The following HID1 variants were observed in gnomAD, a reference collection of about 807,000 sequenced individuals.
HID1 encodes protein HID1.
Under a neutral mutation model 89.7 loss-of-function variants are expected in HID1, and 42 were observed. The ratio of observed to expected loss-of-function variants is 0.47; its 90% CI spans 0.37 to 0.61. The LOEUF (loss-of-function observed/expected upper bound fraction) is 0.61, where lower values mean the gene tolerates loss of function less well. HID1 is among the 20% of genes least tolerant of loss of function. The pLI is 0.00. For missense variants in HID1, 854 were observed against 1,039.3 expected, an observed-to-expected ratio of 0.82 and a Z score of 2.45; for synonymous variants, 442 against 433.8, an observed-to-expected ratio of 1.02 and a Z score of -0.24.
Position 74,964,627 on chromosome 17 carries a change from C to T in HID1, c.72G>A (p.Val24=). 6.2e-7 allele frequency: 1 copy of T among 1,611,578 alleles called. No homozygotes were observed. The highest frequency in any genetic ancestry group is 8.5e-7 in the Non-Finnish European group (1 of 1,179,202). The change falls in exon 2 of 19, where the codon GTG becomes GTA. Residue 24 remains valine, a synonymous_variant. Transcript: ENST00000425042. The stretch of plus-strand genomic sequence containing the variant: ...CCCAAAAGGCATCATCGGTGGCTTC[C>T]ACGGGCTGTGGGGGGACCAAGGGTC... ...VIQLTTKTQP[V]EATDDAFWDQ...
chr17:74,959,739 A>G lies in HID1; in HGVS notation c.1008+142T>C. The G allele has an allele frequency of 1.1e-6, 1 of 875,860 alleles. No homozygotes were observed. Among genetic ancestry groups the G allele is most frequent in the Non-Finnish European group, 1.8e-6 (1 of 544,964 alleles). The allele number at this position is 875,860 out of a possible 1,614,324, so 54.3% of individuals were successfully genotyped here. On this transcript the variant is annotated intron_variant, in intron 8 of 18. Transcript: ENST00000425042. The surrounding 1 kb of genome is among the most constrained non-coding windows in gnomAD (Gnocchi z 4.6). ...GCCCTTCCTGCATCTTGAAACCCTC[A>G]CAGTCCTGCCACTATTTCACCTAGG...
At chr17:74,963,543 A>G (rs1001941267) in intron 3 of HID1, 197 bp downstream of exon 3, 4 of 603,582 alleles carry the variant, frequency 6.6e-6, no homozygotes, top group Non-Finnish European at 8.7e-6. Flanking sequence ...GACTGTGGGC[A>G]CAGAAACCCC....
chr17:74,954,498 G>T, intron 13 of HID1, 133 bp from the exon 14 acceptor site: 1 of 1,486,822 alleles, frequency 6.7e-7, no homozygotes, highest in Non-Finnish European at 9.0e-7. Context: ...GATGGTACAG[G>T]GAGCCCAAGA....
At chr17:74,956,483 C>G (rs1266600775) in intron 12 of HID1, among the ~76,000 whole-genome samples, 1 of 152,182 alleles carries the variant, frequency 6.6e-6, no homozygotes, top group African/African-American at 2.4e-5. Context: ...TGTCTTGTGT[C>G]ATTTTCCCTC....
At position 74,952,066 on chromosome 17, in the gene HID1, G is replaced by A; in HGVS notation, c.2145-3C>T. The A allele has an allele frequency of 1.9e-6, 3 of 1,555,756 alleles. No homozygotes were observed. ...TCTCAGACTCATCCGTCAGGCCCCT[G>A]CGGGGAGAGGGGTATCTCCAGCACA... On this transcript the variant is annotated splice_polypyrimidine_tract_variant and splice_region_variant and intron_variant, in intron 17 of 18. Coordinates refer to ENST00000425042, the MANE Select transcript of HID1 (RefSeq NM_030630.3).
chr17:74,959,776 CCA>C lies in HID1; in HGVS notation c.1008+103_1008+104del. On this transcript the variant is annotated intron_variant, in intron 8 of 18. Coordinates refer to ENST00000425042, the MANE Select transcript of HID1 (RefSeq NM_030630.3). The surrounding 1 kb of genome is among the most constrained non-coding windows in gnomAD (Gnocchi z 4.6). ...CTATTTCACCTAGGGTGGCCCCAGCCCACAGAGAGCATGGTTCCTTCATGGAG... is the reference window on the plus strand; with the variant it reads ...CTATTTCACCTAGGGTGGCCCCAGCCCAGAGAGCATGGTTCCTTCATGGAG... The C allele has an allele frequency of 8.0e-7, 1 of 1,253,166 alleles. No individual in the cohort carries two copies. Among genetic ancestry groups the C allele is most frequent in the Non-Finnish European group, 1.2e-6 (1 of 867,406 alleles). The allele number at this position is 1,253,166 out of a possible 1,614,324, so 77.6% of individuals were successfully genotyped here.
chr17:74,959,094 C>G lies in HID1; in HGVS notation c.1009-43G>C. ...GCAGGGGGCCTGTCCAGCCCAATCC[C>G]TGCAGCTCCAGTTTCCCAGCCCAGG... is the stretch of plus-strand genomic sequence containing the variant. On this transcript the variant is annotated intron_variant, in intron 8 of 18. Transcript: ENST00000425042. The surrounding 1 kb of genome is among the most constrained non-coding windows in gnomAD (Gnocchi z 4.6). 1 of 1,495,540 alleles carries G rather than the reference C, an allele frequency of 6.7e-7. No individual in the cohort carries two copies. Among genetic ancestry groups the G allele is most frequent in the Non-Finnish European group, 8.9e-7 (1 of 1,126,976 alleles). The allele number at this position is 1,495,540 out of a possible 1,614,324, so 92.6% of individuals were successfully genotyped here. A position where few individuals can be genotyped will look rare whatever the true frequency, so the allele number is the denominator to read the frequency against.
At chr17:74,955,742 G>T in intron 13 of HID1, 50 bp downstream of exon 13, 1 of 1,576,882 alleles carries the variant, frequency 6.3e-7, no homozygotes, top group Non-Finnish European at 8.7e-7. Context: ...TATGTAGGAA[G>T]TAGGCCCGCT....
In HID1 at chr17:74,963,744, C is replaced by T. The variant is rs774346194; in HGVS notation, c.383G>A (p.Gly128Glu). 6.2e-6 allele frequency: 10 copies of T among 1,605,528 alleles called. 1 individual carries two copies. The Admixed American group carries it at 1.4e-4, about 22-fold the overall frequency. Residue 128 changes from glycine (G) to glutamate (E), a missense_variant, in exon 3 of 19, where the codon GGA becomes GAA. Transcript: ENST00000425042. ...FWSTVPGAGR[G>E]GQGEEDDEHA... ...GCCCTGGCCAGGCCCACAGACCCCT[C>T]CTCGCCCTGCCCCGGGCACTGTGGA...
chr17:74,970,289 G>C (rs978868909), intron 1 of HID1, among the ~76,000 whole-genome samples: 1 of 152,182 alleles, frequency 6.6e-6, no homozygotes, highest in Non-Finnish European at 1.5e-5. Flanking sequence ...ACCTGGGGGA[G>C]CAGTTGTATC....
intron 2 of HID1, chr17:74,964,180 T>C: frequency 1.7e-6 from 1 of 590,446 alleles, no homozygotes; most frequent in South Asian, 2.1e-5. Context: ...GCTAAGTGAG[T>C]CTCCCAGCCT....
intron 13 of HID1, chr17:74,954,723 C>A (rs9891650): frequency 0.012 from 3,590 of 303,244 alleles, 37 homozygotes; most frequent in Middle Eastern, 0.019. Flanking sequence ...TCTCTTCCCA[C>A]CTCCCCTCGA....
intron 6 of HID1, among the ~76,000 whole-genome samples, chr17:74,960,516 G>A (rs1598625429): frequency 6.6e-6 from 1 of 152,220 alleles, no homozygotes. Context: ...TTCCCCTCAG[G>A]GAGCAGAGCC....
chr17:74,966,073 T>G (rs942945953), intron 1 of HID1, among the ~76,000 whole-genome samples: 8 of 151,636 alleles, frequency 5.3e-5, no homozygotes, highest in African/African-American at 1.9e-4. Context: ...GATCACAAGG[T>G]CAGGAGTTCA....
intron 12 of HID1, chr17:74,957,931 T>C (rs1291798758): frequency 1.7e-6 from 1 of 581,930 alleles, no homozygotes; most frequent in African/African-American, 1.9e-5. Flanking sequence ...GTAATTTTCA[T>C]ATTGGCTACA....
rs1447055100 is a variant in HID1, at chr17:74,964,481, A to G, written c.216+2T>C. On this transcript the variant is annotated splice_donor_variant, in intron 2 of 18. Coordinates refer to ENST00000425042, the MANE Select transcript of HID1 (RefSeq NM_030630.3). LOFTEE classifies it high-confidence loss of function. ...TAGCAGGAGGGACTGGGCAGCCCTC[A>G]CCTTGTAGCACAGGGTGGCCAAGTT... The G allele has an allele frequency of 7.5e-6, 12 of 1,608,668 alleles. No individual in the cohort carries two copies. The highest frequency in any genetic ancestry group is 8.5e-6 in the Non-Finnish European group (10 of 1,177,864).
At chr17:74,951,763 C>T in intron 18 of HID1, 130 bp from the exon 19 acceptor site, 1 of 1,346,696 alleles carries the variant, frequency 7.4e-7, no homozygotes, top group African/African-American at 1.5e-5. Context: ...CAGCGGGTGC[C>T]ACCGTCAACC....
Position 74,962,857 on chromosome 17 carries a change from G to GC in HID1, c.504+107dup. ...TGCCAGGCAGCTCAGCTCTCCTGGA[G>GC]CCCCCCGGCCCCCAGTGCAATCCGC... On this transcript the variant is annotated intron_variant, in intron 4 of 18. Transcript: ENST00000425042. The surrounding 1 kb of genome is among the most constrained non-coding windows in gnomAD (Gnocchi z 4.3). 2.6e-6 allele frequency: 2 copies of GC among 768,872 alleles called. No individual in the cohort carries two copies. The highest frequency in any genetic ancestry group is 2.6e-5 in the East Asian group (1 of 38,012). 47.6% of individuals were successfully genotyped at this position (768,872 alleles called of 1,614,324 possible). A position where few individuals can be genotyped will look rare whatever the true frequency, so the allele number is the denominator to read the frequency against.
At position 74,962,184 on chromosome 17, in the gene HID1, C is replaced by CA. The variant is rs1567962718; in HGVS notation, c.611+49_611+50insT. The CA allele has an allele frequency of 3.4e-6, 5 of 1,481,910 alleles. No individual in the cohort carries two copies. The highest frequency in any genetic ancestry group is 4.7e-6 in the Non-Finnish European group (5 of 1,074,632). The allele number at this position is 1,481,910 out of a possible 1,614,324, so 91.8% of individuals were successfully genotyped here. ...GGGCTTTCTGAGCTGTGCGGGGGCC[C>CA]GGCCCGGGGTCCAGCTGCATTGAGG... On this transcript the variant is annotated intron_variant, in intron 5 of 18. Transcript: ENST00000425042. This position sits in a 1 kb window ranked among gnomAD's most constrained non-coding sequence, Gnocchi z 4.3.
Sources: gnomAD v4.1 joint callset for allele counts (sites outside exome capture counted in the v4.1 genomes callset) on GRCh38, gnomAD v4.1.1 for gene constraint, Gnocchi (gnomAD v3.1) non-coding constraint, MANE v1.5 for transcripts, NCBI Gene and HGNC (gene_info 2026-07-23, HGNC 2026-07-21) for gene names.